The following PTPN11 variants were observed in gnomAD, a reference collection of about 807,000 sequenced individuals.
PTPN11 encodes the protein tyrosine-protein phosphatase non-receptor type 11.
Under a neutral mutation model 78.8 loss-of-function variants are expected in PTPN11, and 6 were observed. The observed-to-expected ratio is 0.08, with a 90% CI of 0.04 to 0.15. PTPN11 has a LOEUF of 0.15. PTPN11 is among the 10% of genes least tolerant of loss of function. PTPN11 has a pLI of 1.00. For synonymous variants in PTPN11, 221 were observed against 263.5 expected (o/e 0.84, Z 1.56); for missense variants, 386 against 744.8 (o/e 0.52, Z 5.61).
At chr12:112,427,169 C>G (rs918298527) in intron 1 of PTPN11, among the ~76,000 whole-genome samples, 2 of 151,812 alleles carry the variant, frequency 1.3e-5, no homozygotes, top group African/African-American at 2.4e-5. Context: ...TTGCTTGAAC[C>G]TGGAAGGTGG....
chr12:112,497,231 G>C (rs970154778), intron 13 of PTPN11, among the ~76,000 whole-genome samples: 1 of 151,862 alleles, frequency 6.6e-6, no homozygotes, highest in African/African-American at 2.4e-5. Flanking sequence ...AAATGGGATT[G>C]CACAGGCTGA....
intron 1 of PTPN11, among the ~76,000 whole-genome samples, chr12:112,422,811 A>G (rs976884921): frequency 4.6e-5 from 7 of 152,184 alleles, no homozygotes; most frequent in African/African-American, 1.4e-4. Flanking sequence ...TCCATGGTCA[A>G]TGTGGAGACT....
chr12:112,496,108 A>G (rs560287553), intron 13 of PTPN11, among the ~76,000 whole-genome samples: 80 of 152,274 alleles, frequency 5.3e-4, no homozygotes, highest in African/African-American at 1.9e-3. Context: ...CCTTCTCTCC[A>G]TTTATTTATT....
chr12:112,433,848 T>C (rs1292223201), intron 1 of PTPN11, among the ~76,000 whole-genome samples: 1 of 152,178 alleles, frequency 6.6e-6, no homozygotes, highest in Non-Finnish European at 1.5e-5. Flanking sequence ...TCCCAGCTAC[T>C]GAGGAGGCTG....
chr12:112,492,649 T>C (rs369881979), intron 13 of PTPN11, among the ~76,000 whole-genome samples: 79 of 151,660 alleles, frequency 5.2e-4, no homozygotes, highest in East Asian at 2.4e-3. Context: ...TCCCAAGTAG[T>C]TGGGACTACA....
chr12:112,450,538 A>C (rs1566167260), intron 3 of PTPN11, 26 bp downstream of exon 3: 4 of 1,601,024 alleles, frequency 2.5e-6, no homozygotes, highest in Non-Finnish European at 3.4e-6. Flanking sequence ...GTGACCACAA[A>C]GTCTGCTGCT....
At chr12:112,448,700 T>C (rs1566166070) in intron 2 of PTPN11, among the ~76,000 whole-genome samples, 1 of 152,200 alleles carries the variant, frequency 6.6e-6, no homozygotes, top group African/African-American at 2.4e-5. Flanking sequence ...GAATATTTTA[T>C]AACTTCTATA....
intron 9 of PTPN11, among the ~76,000 whole-genome samples, chr12:112,481,576 T>C (rs1490179898): frequency 6.6e-6 from 1 of 152,122 alleles, no homozygotes; most frequent in African/African-American, 2.4e-5. Context: ...CACTGCAACC[T>C]CTGCCTCCCA....
At chr12:112,486,888 C>T (rs974041458) in intron 11 of PTPN11, 5 of 1,406,562 alleles carry the variant, frequency 3.6e-6, no homozygotes, top group Non-Finnish European at 4.6e-6. Context: ...ATCTCTGAGT[C>T]CACCAGAAGT....
intron 1 of PTPN11, among the ~76,000 whole-genome samples, chr12:112,430,019 ATTTTTCT>A (rs1444176289): frequency 1.3e-5 from 2 of 151,608 alleles, no homozygotes; most frequent in African/African-American, 4.8e-5. Context: ...AACATATCAC[ATTTTTCT>A]TTTTTCTTTT....
intron 1 of PTPN11, among the ~76,000 whole-genome samples, chr12:112,424,956 T>TTGTG (rs34463047): frequency 0.023 from 2,068 of 88,682 alleles, 32 homozygotes; most frequent in Non-Finnish European, 0.032. Context: ...GTCAGGCTAA[T>TTGTG]TGTGTGTGTG....
chr12:112,501,371 T>C (rs1008636260), intron 13 of PTPN11, among the ~76,000 whole-genome samples: 2 of 152,120 alleles, frequency 1.3e-5, no homozygotes, highest in East Asian at 3.9e-4. Flanking sequence ...CCTGTAATCC[T>C]AGCACTTTGG....
intron 7 of PTPN11, among the ~76,000 whole-genome samples, chr12:112,476,639 C>T (rs376038891): frequency 1.3e-5 from 2 of 152,188 alleles, no homozygotes; most frequent in African/African-American, 4.8e-5. Flanking sequence ...TGTGGTGGCA[C>T]GCTCCTGTAA....
At chr12:112,502,467 C>T (rs182573371) in intron 14 of PTPN11, among the ~76,000 whole-genome samples, 1 of 152,200 alleles carries the variant, frequency 6.6e-6, no homozygotes, top group Admixed American at 6.6e-5. Context: ...CTAAGCTGGC[C>T]AGGCACGGTG....
At chr12:112,498,942 G>C (rs541055556) in intron 13 of PTPN11, among the ~76,000 whole-genome samples, 4 of 152,222 alleles carry the variant, frequency 2.6e-5, no homozygotes, top group African/African-American at 7.2e-5. Context: ...AGTAATTCCT[G>C]TTTCATTTGT....
At chr12:112,430,730 AT>A (rs1265612408) in intron 1 of PTPN11, among the ~76,000 whole-genome samples, 3 of 150,292 alleles carry the variant, frequency 2.0e-5, no homozygotes, top group Admixed American at 6.6e-5. Flanking sequence ...GCTAATTAAA[AT>A]TTTTTTTCTT....
At position 112,506,507 on chromosome 12, in the gene PTPN11, G is replaced by GA. The variant is rs2038937668; in HGVS notation, c.*719dup. 6.6e-6 allele frequency: 1 copy of GA among 152,032 alleles called. No homozygotes were observed. Among genetic ancestry groups the GA allele is most frequent in the Non-Finnish European group, 1.5e-5 (1 of 68,010 alleles). 9.4% of individuals were successfully genotyped at this position (152,032 alleles called of 1,614,324 possible). On this transcript the variant is annotated 3_prime_UTR_variant, in exon 16 of 16. Transcript: ENST00000351677. ...CTGTTGACTGAGAAGTTTGTGGTGG[G>GA]AAAACGTTTGCCATATTTTCTTTGC...
At chr12:112,466,867 A>T (rs910651359) in intron 6 of PTPN11, among the ~76,000 whole-genome samples, 2 of 151,978 alleles carry the variant, frequency 1.3e-5, no homozygotes, top group Non-Finnish European at 2.9e-5. Flanking sequence ...GTGCCTGGGG[A>T]TGCCTGGCTC....
chr12:112,446,439 T>C, intron 2 of PTPN11, 41 bp downstream of exon 2: 2 of 1,613,600 alleles, frequency 1.2e-6, no homozygotes, highest in Non-Finnish European at 1.7e-6. Context: ...GAGTGTTTTC[T>C]AGGTAGGAAG....
Sources: gnomAD v4.1 joint callset for allele counts (sites outside exome capture counted in the v4.1 genomes callset) on GRCh38, gnomAD v4.1.1 for gene constraint, MANE v1.5 for transcripts, NCBI Gene and HGNC (gene_info 2026-07-23, HGNC 2026-07-21) for gene names.